Variants in TRIO observed in about 807,000 individuals in gnomAD.
TRIO encodes triple functional domain protein.
TRIO carries 58 observed loss-of-function variants against 351.9 expected under a neutral mutation model. The observed-to-expected ratio is 0.16, with a 90% CI of 0.13 to 0.21. The LOEUF (loss-of-function observed/expected upper bound fraction) is 0.21. Among genes scored for constraint, TRIO ranks in the 10% least tolerant of loss-of-function variants. TRIO has a pLI of 1.00. For missense variants in TRIO, 3,201 were observed against 4,027.8 expected (o/e 0.79, Z 5.56); for synonymous variants, 1,758 against 1,595.7 (o/e 1.10, Z -2.42).
At chr5:14,456,032 G>A (rs1199480267) in intron 34 of TRIO, among the ~76,000 whole-genome samples, 1 of 152,256 alleles carries the variant, frequency 6.6e-6, no homozygotes, top group Non-Finnish European at 1.5e-5. Flanking sequence ...CTGAGGCCTG[G>A]CGAGAATTCA....
In TRIO at chr5:14,251,010, A is replaced by G. The variant is rs1431040562; in HGVS notation, c.158-19815A>G. 7.9e-5 allele frequency among the ~76,000 whole-genome samples: 12 copies of G among 152,172 alleles called. No homozygotes were observed. The East Asian group carries it at 2.1e-3, about 27-fold the overall frequency. On this transcript the variant is annotated intron_variant, in intron 1 of 56. Transcript: ENST00000344204. ...GAAGACAGAGGAGGGGGCGAGGGGA[A>G]CCCTTTGAATTTGATCCCCATTATT...
At position 14,330,793 on chromosome 5, in the gene TRIO, G is replaced by A; in HGVS notation, c.1747G>A (p.Glu583Lys). The change falls in exon 10 of 57, where the codon GAG (glutamate) becomes AAG (lysine). Residue 583 changes from glutamate to lysine, a missense_variant. Glu to Lys is a moderately conservative substitution (Grantham distance 56, BLOSUM62 1). Around this residue, in one of 19 missense-constraint regions of TRIO, gnomAD observed 38 missense variants for 93.4 expected, o/e 0.41. Transcript: ENST00000344204. Reference protein sequence around the residue: ...QDVQQVLDWIENHGEAFLSKH... With the variant: ...QDVQQVLDWIKNHGEAFLSKH... ...TTCATTGTAGGTGCTAGACTGGATC[G>A]AGAACCACGGAGAAGCATTTCTGAG... 3 of 1,614,080 alleles carry A rather than the reference G, an allele frequency of 1.9e-6. No homozygotes were observed. Among genetic ancestry groups the A allele is most frequent in the South Asian group, 1.1e-5 (1 of 91,072 alleles).
chr5:14,249,651 C>T (rs911233592), intron 1 of TRIO, among the ~76,000 whole-genome samples: 1 of 152,136 alleles, frequency 6.6e-6, no homozygotes, highest in African/African-American at 2.4e-5. Context: ...ATTTTGTGAG[C>T]AGGTTTCTTG....
rs562353371 is a variant in TRIO at position 14,500,742 on chromosome 5, G to T, written c.8333-1837G>T. ...ATCTCTACAAAAATACAAAAAATTAGCTGGGTGTGGTGGTGTGCGCGTGTG... is the reference window on the plus strand; with the variant it reads ...ATCTCTACAAAAATACAAAAAATTATCTGGGTGTGGTGGTGTGCGCGTGTG... On this transcript the variant is annotated intron_variant, in intron 53 of 56. Transcript: ENST00000344204. Among the ~76,000 whole-genome samples the T allele has an allele frequency of 2.0e-5, 3 of 152,172 alleles. No individual in the cohort carries two copies. The South Asian group carries it at 6.2e-4, about 32-fold the overall frequency.
At chr5:14,359,624 C>CA in intron 13 of TRIO, 93 bp downstream of exon 13, 1 of 1,435,790 alleles carries the variant, frequency 7.0e-7, no homozygotes, top group Non-Finnish European at 9.5e-7. Context: ...CTGCTGAGGT[C>CA]CTGTGTCCTC....
rs1379233727 is a variant in TRIO at position 14,419,939 on chromosome 5, A to T, written c.5121A>T (p.Ala1707=). ...GGACAACTGACCGCTCCCCAGCGGCAGAAGGCCTGGTCCCCTGTGGTTCAC... is the reference window on the plus strand; with the variant it reads ...GGACAACTGACCGCTCCCCAGCGGCTGAAGGCCTGGTCCCCTGTGGTTCAC... ...LVRTTDRSPA[A]EGLVPCGSLC... Residue 1707 remains alanine, a synonymous_variant, in exon 34 of 57, where the codon GCA becomes GCT. Transcript: ENST00000344204. The T allele has an allele frequency of 1.2e-6, 2 of 1,614,226 alleles. No homozygotes were observed. The highest frequency in any genetic ancestry group is 1.7e-4 in the Middle Eastern group (1 of 6,060).
At chr5:14,174,451 T>C (rs1581273497) in intron 1 of TRIO, among the ~76,000 whole-genome samples, 1 of 152,174 alleles carries the variant, frequency 6.6e-6, no homozygotes, top group African/African-American at 2.4e-5. Context: ...CCCGCCTGCC[T>C]CTCTATCTAC....
chr5:14,410,622 G>T (rs1442058549), intron 33 of TRIO, among the ~76,000 whole-genome samples: 1 of 151,958 alleles, frequency 6.6e-6, no homozygotes, highest in Non-Finnish European at 1.5e-5. Context: ...TCTGTTATTA[G>T]TTAGTTGTTA....
In TRIO at chr5:14,359,360, C is replaced by T; in HGVS notation, c.2220C>T (p.Asp740=). Residue 740 remains aspartate (D), a synonymous_variant, in exon 13 of 57, where the codon GAC becomes GAT. Coordinates refer to ENST00000344204, the MANE Select transcript of TRIO (RefSeq NM_007118.4). The part of the protein sequence containing the change: ...EGEDLIQQLR[D]SAISSNKTPH... ...GTTCCTCTGTGTGCTCTCGCAGGGA[C>T]TCTGCCATCTCCAGTAACAAGACCC... The T allele has an allele frequency of 6.2e-7, 1 of 1,612,124 alleles. No individual in the cohort carries two copies.
At chr5:14,144,269 G>A (rs955862744) in intron 1 of TRIO, among the ~76,000 whole-genome samples, 1 of 152,094 alleles carries the variant, frequency 6.6e-6, no homozygotes, top group Non-Finnish European at 1.5e-5. Context: ...GTGGGCGGAG[G>A]CTCTTACCCC....
chr5:14,354,740 A>T (rs909613810), intron 11 of TRIO, among the ~76,000 whole-genome samples: 7 of 152,212 alleles, frequency 4.6e-5, no homozygotes, highest in African/African-American at 9.6e-5. Flanking sequence ...GGACAGAGTA[A>T]TAAGCTAACT....
At chr5:14,213,845 A>G (rs1352850376) in intron 1 of TRIO, among the ~76,000 whole-genome samples, 1 of 152,192 alleles carries the variant, frequency 6.6e-6, no homozygotes, top group African/African-American at 2.4e-5. Flanking sequence ...TTCATCCTTC[A>G]TTCACAAAAA....
chr5:14,402,744 G>A (rs1437487540), intron 31 of TRIO, among the ~76,000 whole-genome samples: 1 of 151,424 alleles, frequency 6.6e-6, no homozygotes, highest in Non-Finnish European at 1.5e-5. Context: ...TGGTGATGAG[G>A]GTATAGATGG....
At chr5:14,251,308 C>T (rs1348054842) in intron 1 of TRIO, among the ~76,000 whole-genome samples, 2 of 152,222 alleles carry the variant, frequency 1.3e-5, no homozygotes, top group Non-Finnish European at 2.9e-5. Context: ...CCCTATGCCT[C>T]TAGGGACTCT....
At chr5:14,196,156 C>T (rs1213585826) in intron 1 of TRIO, among the ~76,000 whole-genome samples, 1 of 152,070 alleles carries the variant, frequency 6.6e-6, no homozygotes, top group Non-Finnish European at 1.5e-5. Context: ...CATGGTGGCT[C>T]ATGTCTGTAA....
chr5:14,403,193 G>T (rs1420912972), intron 31 of TRIO, among the ~76,000 whole-genome samples: 1 of 127,488 alleles, frequency 7.8e-6, no homozygotes, highest in Admixed American at 7.9e-5. Context: ...TGTGGTGAGG[G>T]TGCAGGTTGT....
chr5:14,196,653 G>A (rs115203915), intron 1 of TRIO, among the ~76,000 whole-genome samples: 2,412 of 152,210 alleles, frequency 0.016, 46 homozygotes, highest in African/African-American at 0.055. Flanking sequence ...TGCTCTCCCC[G>A]TTTCTTAAGA....
At chr5:14,451,077 G>A (rs988870413) in intron 34 of TRIO, among the ~76,000 whole-genome samples, 6 of 152,146 alleles carry the variant, frequency 3.9e-5, no homozygotes, top group African/African-American at 1.2e-4. Flanking sequence ...TGTATATTCC[G>A]AACCACCAAA....
intron 1 of TRIO, among the ~76,000 whole-genome samples, chr5:14,187,500 G>A (rs1388720680): frequency 6.6e-6 from 1 of 152,082 alleles, no homozygotes; most frequent in Non-Finnish European, 1.5e-5. Flanking sequence ...TTGACTCTCA[G>A]TCAGTACCTT....
Sources: gnomAD v4.1 joint callset for allele counts (sites outside exome capture counted in the v4.1 genomes callset) on GRCh38, gnomAD v4.1.1 for gene constraint, gnomAD v4.1.1 regional missense constraint, MANE v1.5 for transcripts, NCBI Gene and HGNC (gene_info 2026-07-23, HGNC 2026-07-21) for gene names.